The following SIPA1L2 variants were observed in gnomAD, a reference collection of about 807,000 sequenced individuals.
The protein encoded by SIPA1L2 is signal induced proliferation associated 1 like 2, also known as signal-induced proliferation-associated 1-like protein 2.
In SIPA1L2, 56 loss-of-function variants were observed where a neutral mutation model predicts 163.9. The observed-to-expected ratio is 0.34, with a 90% CI of 0.28 to 0.43. The LOEUF is 0.43. Ranked by LOEUF, SIPA1L2 falls within the 20% of genes least tolerant of loss-of-function variation. The probability of loss-of-function intolerance (pLI) is 1.00; values close to 1 mark genes in which losing one functional copy is unlikely to be tolerated. For synonymous variants in SIPA1L2, 877 were observed against 865.7 expected (o/e 1.01, Z -0.23); for missense variants, 1,974 against 2,193.5 (o/e 0.90, Z 2.00).
At chr1:232,535,591 T>C (rs1403650666) in intron 2 of SIPA1L2, among the ~76,000 whole-genome samples, 1 of 152,234 alleles carries the variant, frequency 6.6e-6, no homozygotes, top group African/African-American at 2.4e-5. Flanking sequence ...AAGAATAATC[T>C]GCCAAGTCAT....
At chr1:232,551,778 G>A (rs1000703719) in intron 2 of SIPA1L2, among the ~76,000 whole-genome samples, 1 of 152,222 alleles carries the variant, frequency 6.6e-6, no homozygotes, top group Non-Finnish European at 1.5e-5. Flanking sequence ...GATGAGTTGA[G>A]CCTTAAAAGC....
At chr1:232,476,226 A>G (rs1163650997) in intron 7 of SIPA1L2, among the ~76,000 whole-genome samples, 3 of 152,046 alleles carry the variant, frequency 2.0e-5, no homozygotes, top group Admixed American at 2.0e-4. Flanking sequence ...CAAATACAAC[A>G]TCATTACCTC....
At chr1:232,468,452 G>A (rs115700759) in intron 8 of SIPA1L2, among the ~76,000 whole-genome samples, 278 of 152,292 alleles carry the variant, frequency 1.8e-3, no homozygotes, top group African/African-American at 6.4e-3. Context: ...ACCACCTCCT[G>A]AGTGACTGAG....
At chr1:232,600,482 T>C (rs532099103) in intron 1 of SIPA1L2, among the ~76,000 whole-genome samples, 106 of 152,300 alleles carry the variant, frequency 7.0e-4, no homozygotes, top group African/African-American at 2.5e-3. Context: ...ATGAAAGTTA[T>C]GAGTGTGAAG....
chr1:232,401,465 T>TA (rs1240750883), intron 22 of SIPA1L2, among the ~76,000 whole-genome samples: 1 of 152,198 alleles, frequency 6.6e-6, no homozygotes, highest in Non-Finnish European at 1.5e-5. Context: ...ACAAAACTCT[T>TA]ATACTCCCAC....
intron 2 of SIPA1L2, among the ~76,000 whole-genome samples, chr1:232,562,319 T>C (rs1203830470): frequency 1.3e-5 from 2 of 152,230 alleles, no homozygotes; most frequent in African/African-American, 2.4e-5. Flanking sequence ...ACTTAAAGTC[T>C]ATCCCCTCCC....
Position 232,445,689 on chromosome 1 carries a change from T to C in SIPA1L2, c.3193A>G (p.Thr1065Ala), listed in dbSNP as rs1331799729. ...GCAGGAGTGGGCACCCGGTGCCACG[T>C]GGTGTTCCTCCTGAAGGGGGTTTTA... ...EYKTPFRRNT[T>A]WHRVPTPALQ... Residue 1065 changes from threonine (T) to alanine (A), a missense_variant, in exon 11 of 23, where the codon ACG (threonine) becomes GCG (alanine). Physicochemically the swap from Thr to Ala is moderately conservative, Grantham distance 58. Coordinates refer to ENST00000674635, the MANE Select transcript of SIPA1L2 (RefSeq NM_020808.5). The C allele has an allele frequency of 1.2e-6, 2 of 1,613,452 alleles. No individual in the cohort carries two copies. The highest frequency in any genetic ancestry group is 1.7e-6 in the Non-Finnish European group (2 of 1,179,798).
chr1:232,441,153 C>CCTTT, intron 14 of SIPA1L2, 138 bp downstream of exon 14: 1 of 629,320 alleles, frequency 1.6e-6, no homozygotes, highest in Non-Finnish European at 2.6e-6. Flanking sequence ...AAGATAGTTT[C>CCTTT]CTTTTTTAAC....
chr1:232,568,693 C>T (rs1279695085), intron 2 of SIPA1L2, among the ~76,000 whole-genome samples: 1 of 152,158 alleles, frequency 6.6e-6, no homozygotes, highest in Non-Finnish European at 1.5e-5. Context: ...ATCCTCAAAC[C>T]CTATGAAGCC....
intron 10 of SIPA1L2, among the ~76,000 whole-genome samples, chr1:232,447,850 T>TA (rs1334548624): frequency 6.6e-6 from 1 of 152,228 alleles, no homozygotes; most frequent in Non-Finnish European, 1.5e-5. Context: ...TTTAACAGAT[T>TA]AAAAATACTT....
At chr1:232,498,914 T>G (rs1666331794) in intron 3 of SIPA1L2, among the ~76,000 whole-genome samples, 1 of 152,218 alleles carries the variant, frequency 6.6e-6, no homozygotes, top group Admixed American at 6.5e-5. Flanking sequence ...TGGAGTCCAT[T>G]ATTTAGCCTT....
chr1:232,539,573 C>T (rs1181723734), intron 2 of SIPA1L2, among the ~76,000 whole-genome samples: 1 of 152,134 alleles, frequency 6.6e-6, no homozygotes, highest in Non-Finnish European at 1.5e-5. Context: ...CATCACCAGG[C>T]CAATATGCAT....
chr1:232,505,557 A>C (rs147382724), intron 3 of SIPA1L2, among the ~76,000 whole-genome samples: 391 of 152,348 alleles, frequency 2.6e-3, no homozygotes, highest in Middle Eastern at 6.8e-3. Flanking sequence ...AATAGCATAC[A>C]GACAGCCCTT....
intron 2 of SIPA1L2, among the ~76,000 whole-genome samples, chr1:232,544,699 G>A (rs1395547398): frequency 2.0e-5 from 3 of 152,198 alleles, no homozygotes; most frequent in Non-Finnish European, 4.4e-5. Flanking sequence ...TACGAAGGTT[G>A]CTTGGAACAT....
At chr1:232,464,460 G>A (rs972600867) in intron 9 of SIPA1L2, among the ~76,000 whole-genome samples, 63 of 152,238 alleles carry the variant, frequency 4.1e-4, no homozygotes, top group African/African-American at 1.2e-3. Flanking sequence ...GATAGGACTC[G>A]TCATTCATAC....
chr1:232,450,362 C>T (rs1224270113), intron 10 of SIPA1L2, among the ~76,000 whole-genome samples: 1 of 152,178 alleles, frequency 6.6e-6, no homozygotes, highest in Non-Finnish European at 1.5e-5. Flanking sequence ...GATACCACAT[C>T]CCTAGGGCTA....
At chr1:232,613,632 A>G (rs976481236) in intron 1 of SIPA1L2, among the ~76,000 whole-genome samples, 2 of 152,220 alleles carry the variant, frequency 1.3e-5, no homozygotes, top group African/African-American at 4.8e-5. Context: ...ATACCACCAT[A>G]AAGACAAGAT....
intron 2 of SIPA1L2, among the ~76,000 whole-genome samples, chr1:232,529,556 T>C (rs1389715005): frequency 6.6e-6 from 1 of 152,164 alleles, no homozygotes; most frequent in African/African-American, 2.4e-5. Context: ...AGAATACAGC[T>C]TGGCTAAAAG....
At chr1:232,427,395 T>G (rs1183434532) in intron 17 of SIPA1L2, among the ~76,000 whole-genome samples, 2 of 152,224 alleles carry the variant, frequency 1.3e-5, no homozygotes, top group Non-Finnish European at 2.9e-5. Flanking sequence ...ATTGTTTTAC[T>G]ATAGGGAAGA....
Sources: gnomAD v4.1 joint callset for allele counts (sites outside exome capture counted in the v4.1 genomes callset) on GRCh38, gnomAD v4.1.1 for gene constraint, MANE v1.5 for transcripts, NCBI Gene and HGNC (gene_info 2026-07-23, HGNC 2026-07-21) for gene names.